RALYL: variants seen among roughly 807,000 people sequenced by gnomAD.
The protein encoded by RALYL is RNA-binding Raly-like protein.
Under a neutral mutation model 35.1 loss-of-function variants are expected in RALYL, and 29 were observed. That is an observed-to-expected ratio of 0.83 (90% CI 0.61 to 1.13). The LOEUF (loss-of-function observed/expected upper bound fraction) is 1.13. Among genes scored for constraint, RALYL ranks in the 50% most tolerant of loss-of-function variants. The pLI, the probability that RALYL is intolerant of heterozygous loss-of-function variation, is 0.00. For missense variants in RALYL, 359 were observed against 360.4 expected (o/e 1.00, Z 0.03); for synonymous variants, 120 against 127.6 (o/e 0.94, Z 0.40).
chr8:84,906,547 T>C (rs1846526597), intron 8 of RALYL, among the ~76,000 whole-genome samples: 1 of 152,134 alleles, frequency 6.6e-6, no homozygotes. Flanking sequence ...AATCTGAAAT[T>C]GAAAGAAAAG....
At position 84,220,617 on chromosome 8, in the gene RALYL, A is replaced by G. The variant is rs1325063899; in HGVS notation, c.-24+36193A>G. Among the ~76,000 whole-genome samples the G allele has an allele frequency of 6.6e-5, 10 of 152,042 alleles. 1 individual carries two copies. ...TTACATCAGAACATAATTTTTATGT[A>G]CATATAATAACCATTTGAAACAACT... On this transcript the variant is annotated intron_variant, in intron 1 of 8. Transcript: ENST00000521268.
chr8:84,583,893 A>T (rs1811398835), intron 2 of RALYL, among the ~76,000 whole-genome samples: 1 of 152,180 alleles, frequency 6.6e-6, no homozygotes, highest in Non-Finnish European at 1.5e-5. Context: ...GAACCTGAAT[A>T]TAGCCAATGA....
At chr8:84,384,032 A>T (rs1401116790) in intron 1 of RALYL, among the ~76,000 whole-genome samples, 1 of 151,788 alleles carries the variant, frequency 6.6e-6, no homozygotes, top group Non-Finnish European at 1.5e-5. Flanking sequence ...ACATGTTCAC[A>T]CAGTTTTCGC....
chr8:84,624,079 C>G (rs775231662), intron 2 of RALYL, among the ~76,000 whole-genome samples: 2 of 152,158 alleles, frequency 1.3e-5, no homozygotes, highest in African/African-American at 4.8e-5. Flanking sequence ...TCATCATATT[C>G]AACATCCCTC....
intron 1 of RALYL, among the ~76,000 whole-genome samples, chr8:84,377,927 A>G (rs16912740): frequency 0.03 from 4,485 of 151,944 alleles, 214 homozygotes; most frequent in African/African-American, 0.1. Flanking sequence ...TAAATAATAG[A>G]TTGTGAGAAT....
chr8:84,400,478 T>C (rs1022645807), intron 1 of RALYL, among the ~76,000 whole-genome samples: 7 of 152,164 alleles, frequency 4.6e-5, no homozygotes, highest in African/African-American at 1.2e-4. Context: ...AGTTGAGTTC[T>C]GAAGAGGGCA....
intron 1 of RALYL, among the ~76,000 whole-genome samples, chr8:84,471,276 AAGAT>A (rs2052709410): frequency 1.3e-5 from 2 of 152,162 alleles, no homozygotes; most frequent in African/African-American, 2.4e-5. Flanking sequence ...TTTTTCAAAA[AAGAT>A]AGAAAACAAC....
intron 1 of RALYL, among the ~76,000 whole-genome samples, chr8:84,459,116 T>C (rs1052574695): frequency 2.0e-5 from 3 of 151,814 alleles, no homozygotes; most frequent in African/African-American, 7.2e-5. Context: ...TTTTATAACA[T>C]TTATTGAGTT....
At chr8:84,726,652 C>T (rs1381552655) in intron 2 of RALYL, among the ~76,000 whole-genome samples, 9 of 151,410 alleles carry the variant, frequency 5.9e-5, no homozygotes, top group Admixed American at 5.9e-4. Flanking sequence ...TAGAGAGAAT[C>T]TATTACTCTT....
intron 1 of RALYL, among the ~76,000 whole-genome samples, chr8:84,349,965 A>G (rs1403042078): frequency 6.7e-6 from 1 of 150,336 alleles, no homozygotes; most frequent in Non-Finnish European, 1.5e-5. Context: ...CCCAGCAAAA[A>G]TATAAACAAC....
At chr8:84,273,661 T>G (rs1309115994) in intron 1 of RALYL, among the ~76,000 whole-genome samples, 1 of 152,234 alleles carries the variant, frequency 6.6e-6, no homozygotes, top group African/African-American at 2.4e-5. Context: ...TAGTATTACT[T>G]GACATGTCAT....
At chr8:84,354,404 A>G (rs1372678873) in intron 1 of RALYL, among the ~76,000 whole-genome samples, 1 of 150,062 alleles carries the variant, frequency 6.7e-6, no homozygotes. Context: ...GTGTGATGGG[A>G]TTGGGATTAG....
At chr8:84,511,528 G>T (rs921941578) in intron 1 of RALYL, among the ~76,000 whole-genome samples, 2 of 152,038 alleles carry the variant, frequency 1.3e-5, no homozygotes, top group African/African-American at 4.8e-5. Flanking sequence ...CCATCACCTG[G>T]AGCATATATA....
chr8:84,715,375 TC>T (rs1455146544), intron 2 of RALYL, among the ~76,000 whole-genome samples: 1 of 151,876 alleles, frequency 6.6e-6, no homozygotes, highest in Non-Finnish European at 1.5e-5. Context: ...TTATTTCTAA[TC>T]TCTAGGAAAT....
At chr8:84,725,963 C>T (rs1241006855) in intron 2 of RALYL, among the ~76,000 whole-genome samples, 1 of 151,336 alleles carries the variant, frequency 6.6e-6, no homozygotes, top group Non-Finnish European at 1.5e-5. Context: ...AACAATTATG[C>T]TTTATAAGCA....
intron 1 of RALYL, among the ~76,000 whole-genome samples, chr8:84,501,975 TC>T (rs2056715466): frequency 2.6e-5 from 4 of 151,690 alleles, no homozygotes. Context: ...TAGCCACTTT[TC>T]CAGAAGACAA....
intron 1 of RALYL, among the ~76,000 whole-genome samples, chr8:84,517,145 T>C (rs2058128294): frequency 1.3e-5 from 2 of 152,320 alleles, no homozygotes; most frequent in East Asian, 3.9e-4. Flanking sequence ...TACACTCCAG[T>C]TGAATCATAG....
chr8:84,429,883 A>G (rs2046955039), intron 1 of RALYL, among the ~76,000 whole-genome samples: 1 of 152,126 alleles, frequency 6.6e-6, no homozygotes, highest in Non-Finnish European at 1.5e-5. Context: ...GGAATCGTGA[A>G]CATGGACACA....
intron 2 of RALYL, among the ~76,000 whole-genome samples, chr8:84,548,181 G>A (rs2135385443): frequency 6.6e-6 from 1 of 150,814 alleles, no homozygotes; most frequent in African/African-American, 2.4e-5. Flanking sequence ...TTTTTTTAAA[G>A]TTTATTTTTG....
Sources: allele counts gnomAD v4.1 joint callset (sites outside exome capture counted in the v4.1 genomes callset), GRCh38; gene constraint gnomAD v4.1.1; transcripts MANE v1.5; gene names NCBI Gene and HGNC (gene_info 2026-07-23, HGNC 2026-07-21).